Variants in BRK1 observed in about 807,000 individuals in gnomAD.
BRK1 encodes the protein protein BRICK1.
A neutral mutation model predicts 9.9 loss-of-function variants in BRK1; 6 were observed. The ratio of observed to expected loss-of-function variants is 0.60; its 90% CI spans 0.33 to 1.19. BRK1 has a LOEUF of 1.19. Ranked by LOEUF, BRK1 falls within the 50% of genes most tolerant of loss-of-function variation. The pLI, the probability that BRK1 is intolerant of heterozygous loss-of-function variation, is 0.04. For missense variants in BRK1, 62 were observed against 97.5 expected, an observed-to-expected ratio of 0.64 and a Z score of 1.53; for synonymous variants, 44 against 31.9, an observed-to-expected ratio of 1.38 and a Z score of -1.28.
chr3:10,125,783 A>T, intron 2 of BRK1, 75 bp downstream of exon 2: 1 of 1,131,164 alleles, frequency 8.8e-7, no homozygotes. Flanking sequence ...CTGAAAGCAG[A>T]AACAGTCTTA....
At chr3:10,115,906 T>A (rs1695678412) in intron 1 of BRK1, 87 bp downstream of exon 1, 3 of 1,024,084 alleles carry the variant, frequency 2.9e-6, no homozygotes, top group Non-Finnish European at 4.6e-6. Context: ...TTGAGAGGAC[T>A]CCCGCAGCCT....
chr3:10,118,124 A>C (rs1461207347), intron 1 of BRK1, among the ~76,000 whole-genome samples: 1 of 151,998 alleles, frequency 6.6e-6, no homozygotes, highest in African/African-American at 2.4e-5. Context: ...ATGGTGTTGC[A>C]CACCTGTAAT....
chr3:10,117,777 G>C (rs1195528794), intron 1 of BRK1, among the ~76,000 whole-genome samples: 1 of 152,136 alleles, frequency 6.6e-6, no homozygotes, highest in Non-Finnish European at 1.5e-5. Flanking sequence ...CCTTAGCTTA[G>C]ATCATTATCC....
chr3:10,122,773 G>T (rs190126897), intron 1 of BRK1, among the ~76,000 whole-genome samples: 177 of 152,172 alleles, frequency 1.2e-3, no homozygotes, highest in African/African-American at 4.2e-3. Flanking sequence ...AGAAGAGGAA[G>T]AATTATTATG....
In BRK1 at chr3:10,123,732, C is replaced by CTTTTTTTTTTTTTTTTTTTTTTTTTTTTT. The variant is rs71626962; in HGVS notation, c.119-1873_119-1872insTTTTTTTTTTTTTTTTTTTTTTTTTTTTT. 6.2e-5 allele frequency among the ~76,000 whole-genome samples: 3 copies of CTTTTTTTTTTTTTTTTTTTTTTTTTTTTT among 48,694 alleles called. 1 individual carries two copies. Among genetic ancestry groups the CTTTTTTTTTTTTTTTTTTTTTTTTTTTTT allele is most frequent in the African/African-American group, 4.5e-4 (3 of 6,698 alleles). 31.9% of individuals were successfully genotyped at this position (48,694 alleles called of 152,430 possible). A position where few individuals can be genotyped will look rare whatever the true frequency, so the allele number is the denominator to read the frequency against. On this transcript the variant is annotated intron_variant, in intron 1 of 2. Coordinates refer to ENST00000530758, the MANE Select transcript of BRK1 (RefSeq NM_018462.5). The stretch of plus-strand genomic sequence containing the variant: ...ACAGGCCTGAGCCACCGTGCCTGGC[C>CTTTTTTTTTTTTTTTTTTTTTTTTTTTTT]TTTTTTTTTTTTTTTTTTTTTGAGA...
intron 1 of BRK1, among the ~76,000 whole-genome samples, chr3:10,125,195 C>CG (rs150653218): frequency 0.04 from 6,086 of 152,176 alleles, 120 homozygotes; most frequent in South Asian, 0.063. Flanking sequence ...CTTTGCCCCC[C>CG]CCGGTTCAAG....
At chr3:10,117,602 G>T (rs1695701502) in intron 1 of BRK1, among the ~76,000 whole-genome samples, 1 of 151,758 alleles carries the variant, frequency 6.6e-6, no homozygotes, top group Non-Finnish European at 1.5e-5. Flanking sequence ...TGGCCATCTT[G>T]CCCAGGCTGG....
chr3:10,124,229 C>T (rs1354088533), intron 1 of BRK1, among the ~76,000 whole-genome samples: 2 of 151,076 alleles, frequency 1.3e-5, no homozygotes, highest in African/African-American at 2.4e-5. Context: ...CCAAGGCGGG[C>T]GGATCACGAG....
At chr3:10,119,422 T>C (rs1033126822) in intron 1 of BRK1, among the ~76,000 whole-genome samples, 2 of 152,066 alleles carry the variant, frequency 1.3e-5, no homozygotes, top group Non-Finnish European at 2.9e-5. Context: ...CGTGCCACTG[T>C]ACTCCAGCCT....
At chr3:10,121,181 C>T (rs949234012) in intron 1 of BRK1, among the ~76,000 whole-genome samples, 2 of 152,060 alleles carry the variant, frequency 1.3e-5, no homozygotes, top group African/African-American at 4.8e-5. Flanking sequence ...TGAGGGGTGA[C>T]AGAATGGGGA....
At chr3:10,116,847 T>C (rs1346784504) in intron 1 of BRK1, among the ~76,000 whole-genome samples, 2 of 152,238 alleles carry the variant, frequency 1.3e-5, no homozygotes, top group Non-Finnish European at 2.9e-5. Flanking sequence ...AACCACTTCC[T>C]ACATTCAAAG....
Position 10,120,957 on chromosome 3 carries a change from C to T in BRK1, c.119-4669C>T, listed in dbSNP as rs541715233. Among the ~76,000 whole-genome samples, 3 of 152,290 alleles carry T rather than the reference C, an allele frequency of 2.0e-5. No homozygotes were observed. In the South Asian group the frequency reaches 6.2e-4, roughly 32 times the overall value. ...TGCTCTTACTCAGTAGCATACATAA[C>T]GTGCTTTCAGACTTCCAAAAACCAG... On this transcript the variant is annotated intron_variant, in intron 1 of 2. Transcript: ENST00000530758.
At position 10,117,800 on chromosome 3, in the gene BRK1, A is replaced by G. The variant is rs997586551; in HGVS notation, c.118+1981A>G. Among the ~76,000 whole-genome samples the G allele has an allele frequency of 3.9e-5, 6 of 152,288 alleles. No homozygotes were observed. In the East Asian group the frequency reaches 1.2e-3, roughly 29 times the overall value. On this transcript the variant is annotated intron_variant, in intron 1 of 2. Transcript: ENST00000530758. Reference sequence around the variant, plus strand: ...TAGATCATTATCCTCCCTTAAAGTGATGATAATGGCCAAATGTTTGGAGTA... The same window carrying G: ...TAGATCATTATCCTCCCTTAAAGTGGTGATAATGGCCAAATGTTTGGAGTA...
At chr3:10,120,357 G>A (rs1695741096) in intron 1 of BRK1, among the ~76,000 whole-genome samples, 1 of 152,110 alleles carries the variant, frequency 6.6e-6, no homozygotes, top group African/African-American at 2.4e-5. Context: ...ACCATGCCCA[G>A]CTACTTTTTG....
chr3:10,117,483 T>G (rs904855065), intron 1 of BRK1, among the ~76,000 whole-genome samples: 1 of 147,146 alleles, frequency 6.8e-6, no homozygotes, highest in Non-Finnish European at 1.5e-5. Context: ...AACCTCTTCC[T>G]CCTGGATTCA....
Position 10,118,891 on chromosome 3 carries a change from C to T in BRK1, c.118+3072C>T, listed in dbSNP as rs532188919. On this transcript the variant is annotated intron_variant, in intron 1 of 2. Coordinates refer to ENST00000530758, the MANE Select transcript of BRK1 (RefSeq NM_018462.5). ...GGTAGCAAAACCAACCTCTCTTCTTCCCCTTCTTCCTCAGCCTACTCAGCA... is the reference window on the plus strand; with the variant it reads ...GGTAGCAAAACCAACCTCTCTTCTTTCCCTTCTTCCTCAGCCTACTCAGCA... 5.3e-5 allele frequency among the ~76,000 whole-genome samples: 8 copies of T among 152,296 alleles called. No homozygotes were observed. The South Asian group carries it at 1.7e-3, about 32-fold the overall frequency.
intron 1 of BRK1, among the ~76,000 whole-genome samples, 173 bp from the exon 2 acceptor site, chr3:10,125,453 T>A (rs1185050354): frequency 6.6e-6 from 1 of 152,156 alleles, no homozygotes; most frequent in Non-Finnish European, 1.5e-5. Flanking sequence ...CAACACTTGA[T>A]AGGAAGTTCA....
At chr3:10,120,339 C>T (rs1284770520) in intron 1 of BRK1, among the ~76,000 whole-genome samples, 3 of 152,002 alleles carry the variant, frequency 2.0e-5, no homozygotes, top group African/African-American at 7.3e-5. Flanking sequence ...GGATTACAGG[C>T]ACACACAACC....
intron 1 of BRK1, among the ~76,000 whole-genome samples, chr3:10,124,286 C>T (rs966354669): frequency 6.7e-6 from 1 of 149,960 alleles, no homozygotes; most frequent in Non-Finnish European, 1.5e-5. Context: ...AACCCCGTCT[C>T]TACTAAAAAT....
Sources: gnomAD v4.1 joint callset for allele counts (sites outside exome capture counted in the v4.1 genomes callset) on GRCh38, gnomAD v4.1.1 for gene constraint, MANE v1.5 for transcripts, NCBI Gene and HGNC (gene_info 2026-07-23, HGNC 2026-07-21) for gene names.